Variants in KAZN observed in about 807,000 individuals in gnomAD.
KAZN encodes the protein kazrin, periplakin interacting protein.
In KAZN, 40 loss-of-function variants were observed where a neutral mutation model predicts 87.4. The ratio of observed to expected loss-of-function variants is 0.46; its 90% CI spans 0.36 to 0.60. The LOEUF is 0.60. Among genes scored for constraint, KAZN ranks in the 20% least tolerant of loss-of-function variants. KAZN has a pLI of 0.00. For missense variants in KAZN, 898 were observed against 1,073.9 expected, an observed-to-expected ratio of 0.84 and a Z score of 2.29; for synonymous variants, 466 against 458.3, an observed-to-expected ratio of 1.02 and a Z score of -0.22.
intron 1 of KAZN, among the ~76,000 whole-genome samples, chr1:13,900,291 A>AG (rs1639201445): frequency 6.6e-6 from 1 of 152,050 alleles, no homozygotes; most frequent in African/African-American, 2.4e-5. Context: ...ATGGACAAAG[A>AG]GGTGGGAGTC....
chr1:14,678,794 G>T (rs545923247), intron 1 of KAZN, among the ~76,000 whole-genome samples: 2 of 152,294 alleles, frequency 1.3e-5, no homozygotes, highest in Admixed American at 6.5e-5. Flanking sequence ...TCAGCAAGGG[G>T]ATGGGGATAT....
chr1:14,042,503 T>C (rs1641881579), intron 1 of KAZN, among the ~76,000 whole-genome samples: 1 of 152,208 alleles, frequency 6.6e-6, no homozygotes, highest in Non-Finnish European at 1.5e-5. Context: ...GGCTTGCTTT[T>C]CCATATTGTC....
chr1:14,906,840 T>C (rs771674155), intron 1 of KAZN, among the ~76,000 whole-genome samples: 47 of 151,076 alleles, frequency 3.1e-4, no homozygotes, highest in Non-Finnish European at 5.9e-4. Flanking sequence ...GCGGGCCCTC[T>C]GATGAATTCT....
chr1:14,979,720 A>T (rs993311290), intron 2 of KAZN, among the ~76,000 whole-genome samples: 1 of 152,048 alleles, frequency 6.6e-6, no homozygotes, highest in South Asian at 2.1e-4. Flanking sequence ...ATTGGAATTG[A>T]TGTTCCTGAG....
chr1:14,661,683 A>C (rs1368043913), intron 1 of KAZN, among the ~76,000 whole-genome samples: 1 of 29,332 alleles, frequency 3.4e-5, no homozygotes, highest in Non-Finnish European at 6.8e-5. Flanking sequence ...GAGGGAGGGG[A>C]GGGAGGGGAT....
intron 1 of KAZN, among the ~76,000 whole-genome samples, chr1:14,178,733 T>C (rs1646135339): frequency 6.6e-6 from 1 of 152,254 alleles, no homozygotes; most frequent in Non-Finnish European, 1.5e-5. Flanking sequence ...GTATGTCTGG[T>C]AATTTTTTAT....
chr1:14,452,959 CTGT>C (rs1162170035), intron 2 of KAZN, among the ~76,000 whole-genome samples: 3 of 151,908 alleles, frequency 2.0e-5, no homozygotes, highest in Non-Finnish European at 2.9e-5. Flanking sequence ...TTTGTTGTTG[CTGT>C]TGTTGTTGTT....
chr1:14,263,083 A>G (rs1651206509), intron 2 of KAZN, among the ~76,000 whole-genome samples: 1 of 152,088 alleles, frequency 6.6e-6, no homozygotes, highest in Admixed American at 6.6e-5. Context: ...TTACTATGTT[A>G]CTCTGAGATT....
At chr1:14,194,579 T>A (rs1326346141) in intron 2 of KAZN, among the ~76,000 whole-genome samples, 1 of 152,126 alleles carries the variant, frequency 6.6e-6, no homozygotes, top group Non-Finnish European at 1.5e-5. Context: ...AGGCAGTCTG[T>A]AAAGTATCTA....
At chr1:15,043,958 C>G in intron 3 of KAZN, 31 bp from the exon 4 acceptor site, 1 of 1,580,104 alleles carries the variant, frequency 6.3e-7, no homozygotes, top group Non-Finnish European at 8.6e-7. Flanking sequence ...GCTGTAACAC[C>G]CACGGTGCTC....
intron 2 of KAZN, chr1:14,391,620 C>T (rs949263548): frequency 6.6e-6 from 1 of 152,196 alleles, no homozygotes; most frequent in African/African-American, 2.4e-5. Flanking sequence ...AGGAAACATT[C>T]CCAGAAATCC....
Position 15,034,904 on chromosome 1 carries a change from C to T in KAZN, c.555+19C>T, listed in dbSNP as rs1243339250. On this transcript the variant is annotated intron_variant, in intron 3 of 14. Transcript: ENST00000376030. ...CCGCAAGGTCAGCCGCCGCCCTGCC[C>T]TCCCCTCCCCTCCCGACACACCAGC... 1.2e-6 allele frequency: 2 copies of T among 1,606,296 alleles called. No homozygotes were observed. Among genetic ancestry groups the T allele is most frequent in the African/African-American group, 1.3e-5 (1 of 74,682 alleles).
At chr1:14,022,664 A>G (rs1479623170) in intron 1 of KAZN, among the ~76,000 whole-genome samples, 2 of 152,150 alleles carry the variant, frequency 1.3e-5, no homozygotes, top group East Asian at 3.9e-4. Flanking sequence ...TAGTGGTCTC[A>G]AGTGGTCTCA....
At chr1:14,999,517 T>TCCCC (rs1557701638) in intron 2 of KAZN, among the ~76,000 whole-genome samples, 17 of 80,984 alleles carry the variant, frequency 2.1e-4, no homozygotes, top group African/African-American at 7.4e-4. Context: ...CGCCCCGCCA[T>TCCCC]CCAGACCTTG....
At chr1:15,079,117 G>A (rs557270908) in intron 8 of KAZN, among the ~76,000 whole-genome samples, 3 of 152,280 alleles carry the variant, frequency 2.0e-5, no homozygotes, top group African/African-American at 7.2e-5. Flanking sequence ...TGGTCTAGAG[G>A]CTTGGCATCT....
intron 1 of KAZN, among the ~76,000 whole-genome samples, chr1:14,850,105 T>C (rs148122344): frequency 0.042 from 6,367 of 152,146 alleles, 156 homozygotes; most frequent in Middle Eastern, 0.054. Flanking sequence ...CCAGCTAATT[T>C]TTGTATTTTT....
At chr1:14,003,075 G>A (rs1639871671) in intron 1 of KAZN, among the ~76,000 whole-genome samples, 1 of 152,082 alleles carries the variant, frequency 6.6e-6, no homozygotes, top group South Asian at 2.1e-4. Context: ...GAAGCTGGAA[G>A]CCATCATCCT....
intron 1 of KAZN, among the ~76,000 whole-genome samples, chr1:14,072,832 C>G (rs1363962082): frequency 6.6e-6 from 1 of 152,214 alleles, no homozygotes; most frequent in Non-Finnish European, 1.5e-5. Flanking sequence ...TGTTTTGTGT[C>G]TGGCACCTAG....
chr1:14,806,657 A>C (rs1206924954), intron 1 of KAZN, among the ~76,000 whole-genome samples: 1 of 152,070 alleles, frequency 6.6e-6, no homozygotes, highest in African/African-American at 2.4e-5. Flanking sequence ...GGGTACATTT[A>C]ATTATTCATT....
Sources: gnomAD v4.1 joint callset for allele counts (sites outside exome capture counted in the v4.1 genomes callset) on GRCh38, gnomAD v4.1.1 for gene constraint, MANE v1.5 for transcripts, NCBI Gene and HGNC (gene_info 2026-07-23, HGNC 2026-07-21) for gene names.